FRMD4A: variants seen among roughly 807,000 people sequenced by gnomAD.
The protein encoded by FRMD4A is FERM domain containing 4A, also known as FERM domain-containing protein 4A.
In FRMD4A, 29 loss-of-function variants were observed where a neutral mutation model predicts 129.1. That is an observed-to-expected ratio of 0.22 (90% CI 0.17 to 0.31). The LOEUF (loss-of-function observed/expected upper bound fraction) is 0.31, where lower values mean the gene tolerates loss of function less well. Among genes scored for constraint, FRMD4A ranks in the 10% least tolerant of loss-of-function variants. FRMD4A has a pLI of 1.00. For missense variants in FRMD4A, 1,272 were observed against 1,375.8 expected, an observed-to-expected ratio of 0.92 and a Z score of 1.19; for synonymous variants, 634 against 571.6, an observed-to-expected ratio of 1.11 and a Z score of -1.56.
At chr10:14,329,540 G>T (rs754086506) in intron 2 of FRMD4A, among the ~76,000 whole-genome samples, 1 of 152,148 alleles carries the variant, frequency 6.6e-6, no homozygotes, top group Non-Finnish European at 1.5e-5. Flanking sequence ...GAAACAAGCT[G>T]CTCCCAACTC....
chr10:14,110,834 A>T (rs540421988), intron 2 of FRMD4A, among the ~76,000 whole-genome samples: 1 of 151,832 alleles, frequency 6.6e-6, no homozygotes, highest in Admixed American at 6.6e-5. Context: ...TTATTTTATT[A>T]TTATTATTTG....
chr10:14,075,221 A>G (rs1414949680), intron 2 of FRMD4A, among the ~76,000 whole-genome samples: 2 of 152,212 alleles, frequency 1.3e-5, no homozygotes, highest in Non-Finnish European at 2.9e-5. Context: ...TTCCAGTTGT[A>G]AGCACTTTAT....
intron 3 of FRMD4A, among the ~76,000 whole-genome samples, chr10:13,814,410 CA>C (rs552253864): frequency 6.7e-6 from 1 of 149,896 alleles, no homozygotes. Flanking sequence ...CCCATCTCTA[CA>C]AAAAAAAATT....
At chr10:13,743,831 C>T (rs1489138856) in intron 9 of FRMD4A, among the ~76,000 whole-genome samples, 1 of 152,116 alleles carries the variant, frequency 6.6e-6, no homozygotes, top group Non-Finnish European at 1.5e-5. Context: ...CCAGCCTGTC[C>T]CCACCTCTGC....
rs143379172 is a variant in FRMD4A, at chr10:13,926,750, A to G, written c.46-67838T>C. On this transcript the variant is annotated intron_variant, in intron 2 of 24. Transcript: ENST00000357447. ...AGCAAATAAGAAAAATGTGCCCTAC[A>G]CGACAATGTACAAGGATACACAGAA... 1.2e-4 allele frequency among the ~76,000 whole-genome samples: 19 copies of G among 152,360 alleles called. No homozygotes were observed. The East Asian group carries it at 3.5e-3, about 28-fold the overall frequency.
chr10:13,697,509 G>A lies in FRMD4A; in HGVS notation c.976-3470C>T, dbSNP rs142187609. Among the ~76,000 whole-genome samples, 504 of 152,230 alleles carry A rather than the reference G, an allele frequency of 3.3e-3. 2 individuals are homozygous for A. The highest frequency in any genetic ancestry group is 0.011 in the African/African-American group (457 of 41,530). ...TAACAGACTCGGTGGGGAGAGGACC[G>A]GGAGGACATGGGCATTGTCGGGGAG... On this transcript the variant is annotated intron_variant, in intron 14 of 24. Transcript: ENST00000357447.
chr10:14,190,314 G>T (rs1194664293), intron 2 of FRMD4A, among the ~76,000 whole-genome samples: 1 of 152,142 alleles, frequency 6.6e-6, no homozygotes, highest in Non-Finnish European at 1.5e-5. Flanking sequence ...AGAAAAAAGG[G>T]CTCACTGCTG....
intron 2 of FRMD4A, among the ~76,000 whole-genome samples, chr10:14,195,665 CTTA>C (rs1842452529): frequency 1.3e-5 from 2 of 152,192 alleles, no homozygotes; most frequent in Non-Finnish European, 2.9e-5. Context: ...TAATCAGTTT[CTTA>C]CATGATTCCC....
At position 13,666,911 on chromosome 10, in the gene FRMD4A, C is replaced by CTTTTT. The variant is rs10546068; in HGVS notation, c.1375-591_1375-587dup. ...CTTTCGGGAGCTTTTCTTTTCTTTT[C>CTTTTT]TTTTTTTTTTTTTTTTTTTGAGATG... On this transcript the variant is annotated intron_variant, in intron 17 of 24. Coordinates refer to ENST00000357447, the MANE Select transcript of FRMD4A (RefSeq NM_018027.5). Among the ~76,000 whole-genome samples the CTTTTT allele has an allele frequency of 4.2e-3, 482 of 114,232 alleles. 3 individuals carry two copies. Among genetic ancestry groups the CTTTTT allele is most frequent in the Middle Eastern group, 0.011 (2 of 180 alleles). The allele number at this position is 114,232 out of a possible 152,430, so 74.9% of individuals were successfully genotyped here.
intron 2 of FRMD4A, among the ~76,000 whole-genome samples, chr10:13,990,844 G>C (rs531981449): frequency 6.6e-6 from 1 of 152,282 alleles, no homozygotes; most frequent in South Asian, 2.1e-4. Flanking sequence ...CTCAGCCCTT[G>C]TTCCCATTTT....
intron 8 of FRMD4A, among the ~76,000 whole-genome samples, chr10:13,750,117 A>AAAGAAAGAAAGAAAGAAATG (rs2091534433): frequency 3.8e-5 from 5 of 133,124 alleles, no homozygotes; most frequent in African/African-American, 8.4e-5. Context: ...ATGAAGAAAG[A>AAAGAAAGAAAGAAAGAAATG]AAGAAAGAAA....
rs191834891 is a variant in FRMD4A at position 13,775,818 on chromosome 10, C to T, written c.384+7104G>A. Reference sequence around the variant, plus strand: ...CCAAAGAGGAACGAGAACTACCCGACGTAGCTGGAAATTAATATTGGTAGA... The same window carrying T: ...CCAAAGAGGAACGAGAACTACCCGATGTAGCTGGAAATTAATATTGGTAGA... On this transcript the variant is annotated intron_variant, in intron 6 of 24. Transcript: ENST00000357447. Among the ~76,000 whole-genome samples, 9 of 152,196 alleles carry T rather than the reference C, an allele frequency of 5.9e-5. No homozygotes were observed. The East Asian group carries it at 1.4e-3, about 23-fold the overall frequency.
At chr10:14,033,951 C>A (rs377417739) in intron 2 of FRMD4A, among the ~76,000 whole-genome samples, 8 of 152,166 alleles carry the variant, frequency 5.3e-5, no homozygotes, top group Non-Finnish European at 8.8e-5. Context: ...TCATTTGCAG[C>A]AACATGCATG....
At chr10:14,193,470 CCACCCA>C (rs1234746944) in intron 2 of FRMD4A, among the ~76,000 whole-genome samples, 1,503 of 135,550 alleles carry the variant, frequency 0.011, 26 homozygotes, top group African/African-American at 0.04. Context: ...ACCCACCCAC[CCACCCA>C]CACACACACA....
At chr10:14,094,361 C>G (rs1836827653) in intron 2 of FRMD4A, among the ~76,000 whole-genome samples, 2 of 152,210 alleles carry the variant, frequency 1.3e-5, no homozygotes, top group African/African-American at 2.4e-5. Context: ...ACGAGACCCC[C>G]TGGGGGACGA....
chr10:14,238,824 G>A (rs1421786312), intron 2 of FRMD4A, among the ~76,000 whole-genome samples: 1 of 152,110 alleles, frequency 6.6e-6, no homozygotes, highest in African/African-American at 2.4e-5. Context: ...GAGAATGACG[G>A]CTTCCAACTT....
intron 12 of FRMD4A, among the ~76,000 whole-genome samples, chr10:13,715,846 C>T (rs2088731548): frequency 6.9e-6 from 1 of 145,344 alleles, no homozygotes; most frequent in African/African-American, 2.6e-5. Context: ...GCGGAGGTTG[C>T]AGTGAGCAGA....
chr10:14,213,067 T>C lies in FRMD4A; in HGVS notation c.45+116991A>G, dbSNP rs77854939. ...GCTGTGGCAACGTAGTGAGATCCCA[T>C]CTTTACAAAAAATTTGAAAATTAAC... On this transcript the variant is annotated intron_variant, in intron 2 of 24. Transcript: ENST00000357447. Among the ~76,000 whole-genome samples the C allele has an allele frequency of 1.4e-3, 216 of 152,042 alleles. 4 individuals carry two copies. The East Asian group carries it at 0.039, about 28-fold the overall frequency.
chr10:14,221,785 A>G (rs1843270463), intron 2 of FRMD4A, among the ~76,000 whole-genome samples: 1 of 151,864 alleles, frequency 6.6e-6, no homozygotes, highest in Admixed American at 6.6e-5. Context: ...AAGCTCCTGG[A>G]CTTAAGCAGT....
Sources: gnomAD v4.1 joint callset for allele counts (sites outside exome capture counted in the v4.1 genomes callset) on GRCh38, gnomAD v4.1.1 for gene constraint, MANE v1.5 for transcripts, NCBI Gene and HGNC (gene_info 2026-07-23, HGNC 2026-07-21) for gene names.